PAF1: variants seen among roughly 807,000 people sequenced by gnomAD.
PAF1 encodes RNA polymerase II-associated factor 1 homolog.
Under a neutral mutation model 68.4 loss-of-function variants are expected in PAF1, and 31 were observed. The observed-to-expected ratio is 0.45, with a 90% confidence interval of 0.34 to 0.61. The LOEUF (loss-of-function observed/expected upper bound fraction) is 0.61. Among genes scored for constraint, PAF1 ranks in the 20% least tolerant of loss-of-function variants. PAF1 has a pLI of 0.01. For missense variants in PAF1, 435 were observed against 692.9 expected (o/e 0.63, Z 4.18); for synonymous variants, 256 against 240.5 (o/e 1.06, Z -0.60).
chr19:39,389,048 C>A lies in PAF1; in HGVS notation c.568-33G>T. The A allele has an allele frequency of 1.2e-6, 2 of 1,613,096 alleles. No individual in the cohort carries two copies. The highest frequency in any genetic ancestry group is 1.7e-6 in the Non-Finnish European group (2 of 1,179,076). ...AACAAAAACAAGGTGAGGAGGAGCT[C>A]TGCAGCCGCACCCTTGCCTCTCCCC... On this transcript the variant is annotated intron_variant, in intron 7 of 13. Transcript: ENST00000221265. The surrounding 1 kb of genome is among the most constrained non-coding windows in gnomAD (Gnocchi z 5.3).
At position 39,386,808 on chromosome 19, in the gene PAF1, G is replaced by A. The variant is rs111958775; in HGVS notation, c.987-9C>T. The stretch of plus-strand genomic sequence containing the variant: ...GCTTACTAAGGCGGACCCTGCAGGG[G>A]GTGAATTTGGGAGAGAGAAGTGGAA... On this transcript the variant is annotated splice_polypyrimidine_tract_variant and intron_variant, in intron 11 of 13. Coordinates refer to ENST00000221265, the MANE Select transcript of PAF1 (RefSeq NM_019088.4). This position sits in a 1 kb window ranked among gnomAD's most constrained non-coding sequence, Gnocchi z 6.1. The A allele has an allele frequency of 3.0e-5, 48 of 1,592,342 alleles. No individual in the cohort carries two copies. Among genetic ancestry groups the A allele is most frequent in the African/African-American group, 2.5e-4 (19 of 74,602 alleles).
At position 39,389,598 on chromosome 19, in the gene PAF1, C is replaced by T. The variant is rs746615856; in HGVS notation, c.292+42G>A. On this transcript the variant is annotated intron_variant, in intron 4 of 13. Transcript: ENST00000221265. This position sits in a 1 kb window ranked among gnomAD's most constrained non-coding sequence, Gnocchi z 5.3. ...CCATGAGGGAGGCCCAGGCCTGAGCCTTTGCTGACCTAGAGCAGACCCTCC... is the reference window on the plus strand; with the variant it reads ...CCATGAGGGAGGCCCAGGCCTGAGCTTTTGCTGACCTAGAGCAGACCCTCC... The T allele has an allele frequency of 1.2e-5, 20 of 1,614,046 alleles. No homozygotes were observed. The highest frequency in any genetic ancestry group is 1.5e-5 in the Non-Finnish European group (18 of 1,180,024).
rs746092128 is a variant in PAF1 at position 39,390,252 on chromosome 19, G to C, written c.77+8C>G. 2.5e-6 allele frequency: 4 copies of C among 1,613,854 alleles called. No homozygotes were observed. The East Asian group carries it at 8.9e-5, about 36-fold the overall frequency. On this transcript the variant is annotated splice_region_variant and intron_variant, in intron 2 of 13. Coordinates refer to ENST00000221265, the MANE Select transcript of PAF1 (RefSeq NM_019088.4). The stretch of plus-strand genomic sequence containing the variant: ...CCACCGCTCCTGGGAAAGCACAGTG[G>C]GGCTCACCTCTCAGGCAGAGTCCGG...
Position 39,385,738 on chromosome 19 carries a change from T to C in PAF1, c.*253A>G, listed in dbSNP as rs1165090640. On this transcript the variant is annotated 3_prime_UTR_variant, in exon 14 of 14. Coordinates refer to ENST00000221265, the MANE Select transcript of PAF1 (RefSeq NM_019088.4). ...TTGTGCTACATTTTGTGGGAAACCA[T>C]TGGCCCTGCCTCTGGCCTGTGTTTC... The C allele has an allele frequency of 3.5e-6, 2 of 573,618 alleles. No homozygotes were observed. The highest frequency in any genetic ancestry group is 6.1e-6 in the Non-Finnish European group (2 of 327,596). The allele number at this position is 573,618 out of a possible 1,614,324, so 35.5% of individuals were successfully genotyped here. A position where few individuals can be genotyped will look rare whatever the true frequency, so the allele number is the denominator to read the frequency against.
At position 39,390,110 on chromosome 19, in the gene PAF1, G is replaced by GGGGTAGGTGATGAACTTGGGGGTGAACTT. The variant is rs1187852765; in HGVS notation, c.128_129insAAGTTCACCCCCAAGTTCATCACCTACCC (p.Phe44SerfsTer42). ...GGTAGGTGATGAACTTGGGGTCGAA[G>GGGGTAGGTGATGAACTTGGGGGTGAACTT]GGGATATCAGGGAGGCTATTGCAGT... On this transcript the variant is annotated frameshift_variant, in exon 3 of 14. Transcript: ENST00000221265. LOFTEE classifies it high-confidence loss of function. 1 of 1,614,124 alleles carries GGGGTAGGTGATGAACTTGGGGGTGAACTT rather than the reference G, an allele frequency of 6.2e-7. No individual in the cohort carries two copies.
In PAF1 at chr19:39,386,874, G is replaced by T; in HGVS notation, c.987-75C>A. On this transcript the variant is annotated intron_variant, in intron 11 of 13. Transcript: ENST00000221265. This position sits in a 1 kb window ranked among gnomAD's most constrained non-coding sequence, Gnocchi z 6.1. Reference sequence around the variant, plus strand: ...ACACCTCCCACTTCCCCGCCCCCCAGTGAGGGGTCTGGTCTGACTTGGTTC... The same window carrying T: ...ACACCTCCCACTTCCCCGCCCCCCATTGAGGGGTCTGGTCTGACTTGGTTC... 1 of 990,912 alleles carries T rather than the reference G, an allele frequency of 1.0e-6. No homozygotes were observed. Among genetic ancestry groups the T allele is most frequent in the Non-Finnish European group, 1.6e-6 (1 of 616,952 alleles). 61.4% of individuals were successfully genotyped at this position (990,912 alleles called of 1,614,324 possible).
rs1193011120 is a variant in PAF1, at chr19:39,386,608, G to T, written c.1093-36C>A. ...CAAGATTGGAATGAGGGGAAGGAGG[G>T]TGTTCTGCTGGGTTTTTGTCCCCCT... On this transcript the variant is annotated intron_variant, in intron 12 of 13. Coordinates refer to ENST00000221265, the MANE Select transcript of PAF1 (RefSeq NM_019088.4). The surrounding 1 kb of genome is among the most constrained non-coding windows in gnomAD (Gnocchi z 6.1). 6.2e-7 allele frequency: 1 copy of T among 1,610,570 alleles called. No homozygotes were observed. The highest frequency in any genetic ancestry group is 2.2e-5 in the East Asian group (1 of 44,870).
chr19:39,389,597 C>A lies in PAF1; in HGVS notation c.292+43G>T. Reference sequence around the variant, plus strand: ...ACCATGAGGGAGGCCCAGGCCTGAGCCTTTGCTGACCTAGAGCAGACCCTC... The same window carrying A: ...ACCATGAGGGAGGCCCAGGCCTGAGACTTTGCTGACCTAGAGCAGACCCTC... On this transcript the variant is annotated intron_variant, in intron 4 of 13. Transcript: ENST00000221265. This position sits in a 1 kb window ranked among gnomAD's most constrained non-coding sequence, Gnocchi z 5.3. 1 of 1,614,178 alleles carries A rather than the reference C, an allele frequency of 6.2e-7. No homozygotes were observed. The highest frequency in any genetic ancestry group is 8.5e-7 in the Non-Finnish European group (1 of 1,180,010).
At position 39,389,564 on chromosome 19, in the gene PAF1, G is replaced by A. The variant is rs1372813128; in HGVS notation, c.293-18C>T. The A allele has an allele frequency of 1.2e-6, 2 of 1,614,062 alleles. No individual in the cohort carries two copies. Among genetic ancestry groups the A allele is most frequent in the African/African-American group, 1.3e-5 (1 of 74,942 alleles). ...TAGAAGAACTAGAGGAGAGCGGGGG[G>A]CAGGAGGACCATGAGGGAGGCCCAG... On this transcript the variant is annotated intron_variant, in intron 4 of 13. Transcript: ENST00000221265. This position sits in a 1 kb window ranked among gnomAD's most constrained non-coding sequence, Gnocchi z 5.3.
At chr19:39,388,237 G>T in intron 11 of PAF1, 102 bp downstream of exon 11, 1 of 1,165,146 alleles carries the variant, frequency 8.6e-7, no homozygotes, top group Non-Finnish European at 1.3e-6. Context: ...CAATGCATAT[G>T]ACAAATTCTT....
chr19:39,390,048 T>C, intron 3 of PAF1, 21 bp downstream of exon 3: 1 of 1,592,090 alleles, frequency 6.3e-7, no homozygotes, highest in Non-Finnish European at 8.6e-7. Context: ...CCTGAGTAGT[T>C]TTCCCATTCC....
chr19:39,388,404 A>G lies in PAF1; in HGVS notation c.921T>C (p.Tyr307=), dbSNP rs765307491. ...WNVKNKASKG[Y]EENYFFIFRE... ...GGAAGATGAAGAAGTAGTTTTCCTC[A>G]TAGCCCTTGCTAGCTTTGTTCTTCA... The change falls in exon 11 of 14, where the codon TAT becomes TAC. Residue 307 remains tyrosine, a synonymous_variant. Transcript: ENST00000221265. The G allele has an allele frequency of 4.3e-6, 7 of 1,614,112 alleles. No homozygotes were observed. The East Asian group carries it at 8.9e-5, about 21-fold the overall frequency.
In PAF1 at chr19:39,390,921, G is replaced by A; in HGVS notation, c.-57C>T. ...CCTAGCGGGACCGAAGGGGGACGCAGAGGGGCGTGCCGACTTCAGGGGACG... is the reference window on the plus strand; with the variant it reads ...CCTAGCGGGACCGAAGGGGGACGCAAAGGGGCGTGCCGACTTCAGGGGACG... On this transcript the variant is annotated 5_prime_UTR_variant, in exon 1 of 14. Coordinates refer to ENST00000221265, the MANE Select transcript of PAF1 (RefSeq NM_019088.4). 1 of 1,525,096 alleles carries A rather than the reference G, an allele frequency of 6.6e-7. No individual in the cohort carries two copies. The highest frequency in any genetic ancestry group is 8.9e-7 in the Non-Finnish European group (1 of 1,124,976). 94.5% of individuals were successfully genotyped at this position (1,525,096 alleles called of 1,614,324 possible).
Position 39,386,620 on chromosome 19 carries a change from GT to G in PAF1, c.1093-49del. 1.2e-6 allele frequency: 2 copies of G among 1,608,408 alleles called. No individual in the cohort carries two copies. Among genetic ancestry groups the G allele is most frequent in the Non-Finnish European group, 8.5e-7 (1 of 1,174,898 alleles). On this transcript the variant is annotated intron_variant, in intron 12 of 13. Coordinates refer to ENST00000221265, the MANE Select transcript of PAF1 (RefSeq NM_019088.4). The surrounding 1 kb of genome is among the most constrained non-coding windows in gnomAD (Gnocchi z 6.1). ...GAGGGGAAGGAGGGTGTTCTGCTGGGTTTTTGTCCCCCTCCTCACCTACAAC... is the reference window on the plus strand; with the variant it reads ...GAGGGGAAGGAGGGTGTTCTGCTGGGTTTTGTCCCCCTCCTCACCTACAAC...
At position 39,386,099 on chromosome 19, in the gene PAF1, G is replaced by A; in HGVS notation, c.1488C>T (p.His496=). 1 of 1,613,986 alleles carries A rather than the reference G, an allele frequency of 6.2e-7. No individual in the cohort carries two copies. Among genetic ancestry groups the A allele is most frequent in the South Asian group, 1.1e-5 (1 of 91,082 alleles). The change falls in exon 14 of 14, where the codon CAC becomes CAT. Residue 496 remains histidine (H), a synonymous_variant. Coordinates refer to ENST00000221265, the MANE Select transcript of PAF1 (RefSeq NM_019088.4). The surrounding 1 kb of genome is among the most constrained non-coding windows in gnomAD (Gnocchi z 6.1). Reference sequence around the variant, plus strand: ...TGGGGAAGGGACTGGCGCTGCGGCTGTGGCTCCGGCTCCGCTGGCCACCCC... The same window carrying A: ...TGGGGAAGGGACTGGCGCTGCGGCTATGGCTCCGGCTCCGCTGGCCACCCC... The part of the protein sequence containing the change: ...SNGGGQRSRS[H]SRSASPFPSG...
chr19:39,389,888 A>T lies in PAF1; in HGVS notation c.171-127T>A. On this transcript the variant is annotated intron_variant, in intron 3 of 13. Coordinates refer to ENST00000221265, the MANE Select transcript of PAF1 (RefSeq NM_019088.4). The surrounding 1 kb of genome is among the most constrained non-coding windows in gnomAD (Gnocchi z 5.3). ...AGTGTCCCCCATGGCAGAGTCTGAA[A>T]GCTGGCTCCCCAGTGGGAAGGGACT... 7.4e-7 allele frequency: 1 copy of T among 1,345,176 alleles called. No homozygotes were observed. The highest frequency in any genetic ancestry group is 1.1e-6 in the Non-Finnish European group (1 of 945,204). 83.3% of individuals were successfully genotyped at this position (1,345,176 alleles called of 1,614,324 possible). A position where few individuals can be genotyped will look rare whatever the true frequency, so the allele number is the denominator to read the frequency against.
intron 9 of PAF1, 40 bp from the exon 10 acceptor site, chr19:39,388,716 A>C: frequency 6.2e-7 from 1 of 1,608,620 alleles, no homozygotes; most frequent in Non-Finnish European, 8.5e-7. Context: ...GTGTGAGGAC[A>C]AGAGGCAGCA....
In PAF1 at chr19:39,385,872, T is replaced by A. The variant is rs1161799953; in HGVS notation, c.*119A>T. 6.9e-7 allele frequency: 1 copy of A among 1,443,964 alleles called. No individual in the cohort carries two copies. The highest frequency in any genetic ancestry group is 1.3e-5 in the South Asian group (1 of 75,176). The allele number at this position is 1,443,964 out of a possible 1,614,324, so 89.4% of individuals were successfully genotyped here. Reference sequence around the variant, plus strand: ...GGAAGTAAAGAGAAGTTGACTTTATTAACAGCAAAGGTTTGGGGGTGGGGA... The same window carrying A: ...GGAAGTAAAGAGAAGTTGACTTTATAAACAGCAAAGGTTTGGGGGTGGGGA... On this transcript the variant is annotated 3_prime_UTR_variant, in exon 14 of 14. Coordinates refer to ENST00000221265, the MANE Select transcript of PAF1 (RefSeq NM_019088.4).
In PAF1 at chr19:39,389,025, C is replaced by G. The variant is rs748408778; in HGVS notation, c.568-10G>C. 1.2e-6 allele frequency: 2 copies of G among 1,613,926 alleles called. No homozygotes were observed. The highest frequency in any genetic ancestry group is 2.7e-5 in the African/African-American group (2 of 74,902). On this transcript the variant is annotated splice_polypyrimidine_tract_variant and intron_variant, in intron 7 of 13. Coordinates refer to ENST00000221265, the MANE Select transcript of PAF1 (RefSeq NM_019088.4). The surrounding 1 kb of genome is among the most constrained non-coding windows in gnomAD (Gnocchi z 5.3). ...TGTAATGCTGTGAGATCTGGTGGAA[C>G]AAAAACAAGGTGAGGAGGAGCTCTG...
Sources: gnomAD v4.1 joint callset for allele counts on GRCh38, gnomAD v4.1.1 for gene constraint, Gnocchi (gnomAD v3.1) non-coding constraint, MANE v1.5 for transcripts, NCBI Gene and HGNC (gene_info 2026-07-23, HGNC 2026-07-21) for gene names.